Variants in SSBP2 observed in about 807,000 individuals in gnomAD.
SSBP2 encodes the protein single-stranded DNA-binding protein 2.
SSBP2 carries 17 observed loss-of-function variants against 61.8 expected under a neutral mutation model. The ratio of observed to expected loss-of-function variants is 0.28; its 90% CI spans 0.19 to 0.41. The LOEUF (loss-of-function observed/expected upper bound fraction) is 0.41. Ranked by LOEUF, SSBP2 falls within the 10% of genes least tolerant of loss-of-function variation. The probability of loss-of-function intolerance (pLI) is 1.00; values close to 1 mark genes in which losing one functional copy is unlikely to be tolerated. For synonymous variants in SSBP2, 139 were observed against 141.3 expected, an observed-to-expected ratio of 0.98 and a Z score of 0.12; for missense variants, 310 against 458.7, an observed-to-expected ratio of 0.68 and a Z score of 2.96.
intron 9 of SSBP2, among the ~76,000 whole-genome samples, chr5:81,461,813 C>T (rs1425251444): frequency 1.3e-5 from 2 of 152,064 alleles, no homozygotes; most frequent in Non-Finnish European, 2.9e-5. Context: ...TATTCCACAG[C>T]TTCTAAGGAC....
intron 4 of SSBP2, among the ~76,000 whole-genome samples, chr5:81,585,087 A>G (rs978859823): frequency 6.6e-6 from 1 of 152,128 alleles, no homozygotes; most frequent in African/African-American, 2.4e-5. Context: ...AGCAGAAAAT[A>G]TATGGGTCAG....
At chr5:81,472,231 A>G (rs1036363766) in intron 8 of SSBP2, among the ~76,000 whole-genome samples, 4 of 152,192 alleles carry the variant, frequency 2.6e-5, no homozygotes, top group African/African-American at 4.8e-5. Context: ...GAAAAATGAC[A>G]TTATAAAATT....
chr5:81,428,692 A>G lies in SSBP2; in HGVS notation c.958-9T>C. 1 of 1,605,012 alleles carries G rather than the reference A, an allele frequency of 6.2e-7. No homozygotes were observed. The highest frequency in any genetic ancestry group is 8.5e-7 in the Non-Finnish European group (1 of 1,172,656). On this transcript the variant is annotated splice_polypyrimidine_tract_variant and intron_variant, in intron 15 of 16. Coordinates refer to ENST00000320672, the MANE Select transcript of SSBP2 (RefSeq NM_012446.5). ...ATATTATTGGGAGAATTCTGTAAACAAGATTTAGAAAACAAGGCATTGTTG... is the reference window on the plus strand; with the variant it reads ...ATATTATTGGGAGAATTCTGTAAACGAGATTTAGAAAACAAGGCATTGTTG...
At chr5:81,727,300 A>G (rs1161164959) in intron 1 of SSBP2, among the ~76,000 whole-genome samples, 1 of 152,232 alleles carries the variant, frequency 6.6e-6, no homozygotes, top group East Asian at 1.9e-4. Context: ...CTGTAATTCC[A>G]GCACTTTGGG....
intron 1 of SSBP2, among the ~76,000 whole-genome samples, chr5:81,677,596 T>C (rs1752079195): frequency 6.6e-6 from 1 of 152,162 alleles, no homozygotes; most frequent in Non-Finnish European, 1.5e-5. Context: ...GAACCCAATC[T>C]GGTTCTCACA....
intron 1 of SSBP2, among the ~76,000 whole-genome samples, chr5:81,656,467 A>T (rs913369865): frequency 1.3e-5 from 2 of 152,218 alleles, no homozygotes; most frequent in African/African-American, 4.8e-5. Flanking sequence ...GTCAAGGCTA[A>T]TATGTTTAAT....
intron 15 of SSBP2, among the ~76,000 whole-genome samples, chr5:81,435,663 TTTATAAA>T (rs1204403241): frequency 4.1e-4 from 62 of 152,340 alleles, no homozygotes; most frequent in African/African-American, 1.2e-3. Context: ...ATTTTAAACT[TTTATAAA>T]TTATAAAGTA....
chr5:81,547,323 G>A lies in SSBP2; in HGVS notation c.283-33606C>T, dbSNP rs534997486. On this transcript the variant is annotated intron_variant, in intron 4 of 16. Coordinates refer to ENST00000320672, the MANE Select transcript of SSBP2 (RefSeq NM_012446.5). ...AATCTGCACATAGATATTTGTAGCA[G>A]CTTTATAATTGCTGATTCTTAGAAA... Among the ~76,000 whole-genome samples, 178 of 152,270 alleles carry A rather than the reference G, an allele frequency of 1.2e-3. 1 individual carries two copies. The highest frequency in any genetic ancestry group is 2.0e-3 in the Non-Finnish European group (134 of 68,010).
chr5:81,436,185 CAAAAAAAA>C (rs34499225), intron 15 of SSBP2, among the ~76,000 whole-genome samples: 6 of 54,566 alleles, frequency 1.1e-4, no homozygotes, highest in Non-Finnish European at 2.0e-4. Context: ...AAGACTCCAT[CAAAAAAAA>C]AAAAAAAAAA....
At position 81,545,300 on chromosome 5, in the gene SSBP2, T is replaced by C. The variant is rs184683024; in HGVS notation, c.283-31583A>G. Among the ~76,000 whole-genome samples, 215 of 152,330 alleles carry C rather than the reference T, an allele frequency of 1.4e-3. No individual in the cohort carries two copies. In the South Asian group the frequency reaches 0.016, roughly 11 times the overall value. ...GAATTTTATCTGGCAATCCTATACA[T>C]AGTAGACTGTGACATAAGGTAAGAA... is the stretch of plus-strand genomic sequence containing the variant. On this transcript the variant is annotated intron_variant, in intron 4 of 16. Transcript: ENST00000320672.
intron 4 of SSBP2, among the ~76,000 whole-genome samples, chr5:81,522,181 T>A (rs929811840): frequency 1.3e-5 from 2 of 152,012 alleles, no homozygotes; most frequent in African/African-American, 4.8e-5. Flanking sequence ...ACATCTAAAT[T>A]ATGGAACATG....
chr5:81,730,952 A>G (rs766340620), intron 1 of SSBP2, among the ~76,000 whole-genome samples: 2 of 152,248 alleles, frequency 1.3e-5, no homozygotes, highest in African/African-American at 2.4e-5. Context: ...AAAATTTACA[A>G]TCTTAACCAT....
chr5:81,434,473 A>T (rs951698183), intron 15 of SSBP2, among the ~76,000 whole-genome samples: 1 of 151,856 alleles, frequency 6.6e-6, no homozygotes, highest in East Asian at 1.9e-4. Flanking sequence ...GCCTGACAAC[A>T]TGGAGAAACT....
At chr5:81,661,793 G>A (rs921509473) in intron 1 of SSBP2, among the ~76,000 whole-genome samples, 5 of 152,058 alleles carry the variant, frequency 3.3e-5, no homozygotes, top group African/African-American at 1.2e-4. Flanking sequence ...CATTCCCTAG[G>A]TTGTCTCTTC....
intron 4 of SSBP2, among the ~76,000 whole-genome samples, chr5:81,596,197 GACAA>G (rs1406932605): frequency 7.9e-5 from 12 of 152,076 alleles, no homozygotes; most frequent in Non-Finnish European, 1.6e-4. Flanking sequence ...ACCAGTAACA[GACAA>G]ACAGAGAGCC....
At chr5:81,501,978 T>G (rs546807302) in intron 5 of SSBP2, among the ~76,000 whole-genome samples, 1 of 152,136 alleles carries the variant, frequency 6.6e-6, no homozygotes, top group Non-Finnish European at 1.5e-5. Context: ...TTCCTCAAAA[T>G]AGTTTGTAAG....
chr5:81,583,464 C>T (rs899723968), intron 4 of SSBP2, among the ~76,000 whole-genome samples: 4 of 151,734 alleles, frequency 2.6e-5, no homozygotes, highest in African/African-American at 9.7e-5. Context: ...CCCGTCTCTA[C>T]TAAAAATGCA....
chr5:81,493,309 G>A (rs900728791), intron 5 of SSBP2, among the ~76,000 whole-genome samples: 1 of 149,274 alleles, frequency 6.7e-6, no homozygotes, highest in Non-Finnish European at 1.5e-5. Flanking sequence ...TAGATTAACA[G>A]GGTCTTGCTC....
At chr5:81,695,687 A>G (rs1753551759) in intron 1 of SSBP2, among the ~76,000 whole-genome samples, 1 of 151,882 alleles carries the variant, frequency 6.6e-6, no homozygotes. Flanking sequence ...TACTAATGTC[A>G]TTTTTCTATA....
Sources: gnomAD v4.1 joint callset for allele counts (sites outside exome capture counted in the v4.1 genomes callset) on GRCh38, gnomAD v4.1.1 for gene constraint, MANE v1.5 for transcripts, NCBI Gene and HGNC (gene_info 2026-07-23, HGNC 2026-07-21) for gene names.